The following CELSR1 variants were observed in gnomAD, a reference collection of about 807,000 sequenced individuals.
CELSR1 encodes the protein adhesion G protein-coupled receptor C1.
A neutral mutation model predicts 249.1 loss-of-function variants in CELSR1; 110 were observed. The ratio of observed to expected loss-of-function variants is 0.44; its 90% CI spans 0.38 to 0.52. The LOEUF is 0.52. Among genes scored for constraint, CELSR1 ranks in the 20% least tolerant of loss-of-function variants. CELSR1 has a pLI of 0.00. For missense variants in CELSR1, 4,109 were observed against 4,296.4 expected (o/e 0.96, Z 1.22); for synonymous variants, 2,113 against 1,900.0 (o/e 1.11, Z -2.92).
intron 24 of CELSR1, among the ~76,000 whole-genome samples, chr22:46,375,131 GTCTGCACGTGGCCCTGAGCAGC>G (rs1962358189): frequency 1.3e-5 from 2 of 152,172 alleles, no homozygotes; most frequent in South Asian, 4.1e-4. Context: ...AGCAGCTCAG[GTCTGCACGTGGCCCTGAGCAGC>G]TCGCCGGAAG....
intron 9 of CELSR1, among the ~76,000 whole-genome samples, chr22:46,404,360 A>G (rs865844071): frequency 2.6e-5 from 4 of 151,808 alleles, no homozygotes; most frequent in Non-Finnish European, 4.4e-5. Flanking sequence ...TGCAGTGAGC[A>G]GAGTTCACGC....
chr22:46,405,133 G>A (rs2079251278), intron 9 of CELSR1, among the ~76,000 whole-genome samples: 2 of 151,144 alleles, frequency 1.3e-5, no homozygotes, highest in South Asian at 4.2e-4. Flanking sequence ...CCTCCATTTT[G>A]TTTTCTTTTG....
intron 3 of CELSR1, among the ~76,000 whole-genome samples, chr22:46,438,721 T>C (rs978687114): frequency 8.6e-5 from 13 of 151,776 alleles, no homozygotes; most frequent in Admixed American, 6.6e-4. Flanking sequence ...TGAAGAGAAG[T>C]GGGTTAAGGG....
intron 2 of CELSR1, chr22:46,463,007 C>T (rs368225430): frequency 1.7e-5 from 7 of 411,762 alleles, no homozygotes; most frequent in East Asian, 1.7e-4. Flanking sequence ...CACTGTTTTA[C>T]GCTAACCAAT....
intron 5 of CELSR1, among the ~76,000 whole-genome samples, chr22:46,414,842 G>A (rs576663666): frequency 1.6e-4 from 24 of 152,322 alleles, no homozygotes; most frequent in East Asian, 3.9e-4. Flanking sequence ...TGTTGACGGC[G>A]TTGCTATTTA....
intron 20 of CELSR1, 26 bp from the exon 21 acceptor site, chr22:46,382,076 C>T: frequency 1.3e-6 from 2 of 1,488,862 alleles, no homozygotes; most frequent in Non-Finnish European, 1.8e-6. Context: ...AAGGTGAGGA[C>T]TCTGGCAGGA....
intron 1 of CELSR1, among the ~76,000 whole-genome samples, chr22:46,486,758 G>A (rs1010516107): frequency 1.3e-5 from 2 of 151,758 alleles, no homozygotes; most frequent in African/African-American, 2.4e-5. Flanking sequence ...CAGGATAATC[G>A]CTTGAACCCG....
chr22:46,511,706 T>C (rs1016902271), intron 1 of CELSR1, among the ~76,000 whole-genome samples: 1 of 151,154 alleles, frequency 6.6e-6, no homozygotes, highest in African/African-American at 2.4e-5. Flanking sequence ...CCCCAGGGGG[T>C]GATGTGCTGA....
chr22:46,529,849 C>A (rs972487614), intron 1 of CELSR1, among the ~76,000 whole-genome samples: 2 of 151,394 alleles, frequency 1.3e-5, no homozygotes, highest in Non-Finnish European at 2.9e-5. Flanking sequence ...AACAGTGAGA[C>A]TACAGTCAAT....
chr22:46,421,592 A>G (rs1036375642), intron 5 of CELSR1, among the ~76,000 whole-genome samples: 2 of 152,160 alleles, frequency 1.3e-5, no homozygotes, highest in Admixed American at 6.5e-5. Flanking sequence ...GGCAGCCCCC[A>G]CCTGCCACAG....
intron 2 of CELSR1, among the ~76,000 whole-genome samples, chr22:46,443,752 G>A (rs1259957193): frequency 1.3e-5 from 2 of 152,230 alleles, no homozygotes; most frequent in African/African-American, 4.8e-5. Flanking sequence ...ACACCCAGCT[G>A]CACACTCATA....
Position 46,398,486 on chromosome 22 carries a change from G to A in CELSR1, c.5526+38C>T, listed in dbSNP as rs551080604. On this transcript the variant is annotated intron_variant, in intron 11 of 34. Transcript: ENST00000674500. This position sits in a 1 kb window ranked among gnomAD's most constrained non-coding sequence, Gnocchi z 7.2. Reference sequence around the variant, plus strand: ...TGCCAGCCTCGGAGCTGCCTGTGAGGGGCAGGCCTCCCCCCGCCCCCCACA... The same window carrying A: ...TGCCAGCCTCGGAGCTGCCTGTGAGAGGCAGGCCTCCCCCCGCCCCCCACA... 2.0e-6 allele frequency: 3 copies of A among 1,477,440 alleles called. No individual in the cohort carries two copies. The East Asian group carries it at 6.9e-5, about 34-fold the overall frequency. 91.5% of individuals were successfully genotyped at this position (1,477,440 alleles called of 1,614,324 possible). A position where few individuals can be genotyped will look rare whatever the true frequency, so the allele number is the denominator to read the frequency against.
intron 30 of CELSR1, among the ~76,000 whole-genome samples, chr22:46,366,097 GGTGC>G: frequency 8.7e-5 from 1 of 11,548 alleles, no homozygotes; most frequent in Admixed American, 5.1e-4. Context: ...GCGGGGGGAA[GGTGC>G]AGTGCGGGGA....
chr22:46,428,157 T>G lies in CELSR1; in HGVS notation c.4611+5236A>C, dbSNP rs1414358867. ...AGCAGAGGCCGGTCCTCCGGTTTGT[T>G]GCAACCGGGCCTCATGCTGTCTTTA... On this transcript the variant is annotated intron_variant, in intron 5 of 34. Transcript: ENST00000674500. This position sits in a 1 kb window ranked among gnomAD's most constrained non-coding sequence, Gnocchi z 5.7. Among the ~76,000 whole-genome samples the G allele has an allele frequency of 6.6e-6, 1 of 152,220 alleles. No homozygotes were observed. Among genetic ancestry groups the G allele is most frequent in the Non-Finnish European group, 1.5e-5 (1 of 68,036 alleles).
chr22:46,505,832 C>G (rs1040053555), intron 1 of CELSR1, among the ~76,000 whole-genome samples: 1 of 151,920 alleles, frequency 6.6e-6, no homozygotes, highest in African/African-American at 2.4e-5. Flanking sequence ...TAATGAGATT[C>G]CTAAGGATTT....
intron 25 of CELSR1, among the ~76,000 whole-genome samples, chr22:46,370,636 G>A (rs1174922467): frequency 6.6e-6 from 1 of 152,144 alleles, no homozygotes; most frequent in East Asian, 1.9e-4. Context: ...CCCCACCCTG[G>A]CCTAGGCTAT....
chr22:46,376,343 G>C (rs900803130), intron 24 of CELSR1, among the ~76,000 whole-genome samples: 2 of 152,112 alleles, frequency 1.3e-5, no homozygotes, highest in Non-Finnish European at 2.9e-5. Flanking sequence ...ATTCTCTAAC[G>C]GTGAGAGGAC....
At position 46,534,185 on chromosome 22, in the gene CELSR1, C is replaced by T. The variant is rs2080823673; in HGVS notation, c.2986G>A (p.Ala996Thr). Residue 996 changes from alanine to threonine, a missense_variant, in exon 1 of 35, where the codon GCC (alanine) becomes ACC (threonine). Transcript: ENST00000674500. This position sits in a 1 kb window ranked among gnomAD's most constrained non-coding sequence, Gnocchi z 9.7. ...QVTILDINDN[A>T]PMFEKDELEL... ...AGTTCGTCCTTCTCAAACATGGGGG[C>T]ATTGTCATTAATGTCCAAGATGGTC... The T allele has an allele frequency of 6.2e-7, 1 of 1,613,916 alleles. No homozygotes were observed. The highest frequency in any genetic ancestry group is 1.3e-5 in the African/African-American group (1 of 75,060).
rs747743485 is a variant in CELSR1, at chr22:46,378,688, C to G, written c.7286G>C (p.Arg2429Pro). The change falls in exon 23 of 35, where the codon CGG becomes CCG. Residue 2429 changes from arginine (R) to proline (P), a missense_variant. By Grantham distance (103) the Arg-to-Pro change is moderately radical. Around this residue, in one of 7 missense-constraint regions of CELSR1, gnomAD observed 1,805 missense variants for 1,831.6 expected, o/e 0.99. Coordinates refer to ENST00000674500, the MANE Select transcript of CELSR1 (RefSeq NM_001378328.1). ...GTTCCTGGACAGGAGCTCGCAGCCC[C>G]GGGCAGACCACCCTCCCGTCCCACC... ...AVGGTGGWSA[R>P]GCELLSRNRT... The G allele has an allele frequency of 1.2e-6, 2 of 1,612,322 alleles. No individual in the cohort carries two copies. Among genetic ancestry groups the G allele is most frequent in the Non-Finnish European group, 1.7e-6 (2 of 1,179,794 alleles).
Sources: gnomAD v4.1 joint callset for allele counts (sites outside exome capture counted in the v4.1 genomes callset) on GRCh38, gnomAD v4.1.1 for gene constraint, gnomAD v4.1.1 regional missense constraint, Gnocchi (gnomAD v3.1) non-coding constraint, MANE v1.5 for transcripts, NCBI Gene and HGNC (gene_info 2026-07-23, HGNC 2026-07-21) for gene names.